SCFD2: variants seen among roughly 807,000 people sequenced by gnomAD.
SCFD2 encodes sec1 family domain-containing protein 2.
Under a neutral mutation model 58.9 loss-of-function variants are expected in SCFD2, and 54 were observed. The observed-to-expected ratio is 0.92, with a 90% CI of 0.74 to 1.15. The LOEUF (loss-of-function observed/expected upper bound fraction) is 1.15. SCFD2 is among the 50% of genes most tolerant of loss of function. The pLI is 0.00. For synonymous variants in SCFD2, 321 were observed against 335.9 expected, an observed-to-expected ratio of 0.96 and a Z score of 0.49; for missense variants, 805 against 836.6, an observed-to-expected ratio of 0.96 and a Z score of 0.47.
chr4:53,288,541 A>G (rs1338084424), intron 3 of SCFD2, among the ~76,000 whole-genome samples: 2 of 152,216 alleles, frequency 1.3e-5, no homozygotes, highest in Non-Finnish European at 2.9e-5. Flanking sequence ...GCGAATTTCT[A>G]AACAGAAACT....
chr4:53,271,756 C>A (rs1233052128), intron 4 of SCFD2, among the ~76,000 whole-genome samples: 1 of 152,170 alleles, frequency 6.6e-6, no homozygotes. Flanking sequence ...AGCCACTGCA[C>A]CCAGCCCATC....
At chr4:53,075,870 A>T (rs1219261450) in intron 5 of SCFD2, among the ~76,000 whole-genome samples, 1 of 152,198 alleles carries the variant, frequency 6.6e-6, no homozygotes, top group Non-Finnish European at 1.5e-5. Flanking sequence ...AAAATGTGAC[A>T]CAGACATGAA....
At chr4:53,123,350 C>T (rs1250946533) in intron 5 of SCFD2, among the ~76,000 whole-genome samples, 1 of 152,124 alleles carries the variant, frequency 6.6e-6, no homozygotes, top group Admixed American at 6.5e-5. Context: ...TTCTCACTCC[C>T]AGGCTAGGTT....
chr4:53,130,235 A>T (rs1725748389), intron 5 of SCFD2, among the ~76,000 whole-genome samples: 1 of 152,204 alleles, frequency 6.6e-6, no homozygotes, highest in African/African-American at 2.4e-5. Flanking sequence ...TGTTTTTAAG[A>T]CACTGTTTTT....
intron 3 of SCFD2, among the ~76,000 whole-genome samples, chr4:53,304,795 G>A (rs1475823156): frequency 1.3e-5 from 2 of 152,066 alleles, no homozygotes; most frequent in East Asian, 1.9e-4. Context: ...GGAGGAGTTT[G>A]TTATTACCCA....
chr4:53,127,144 A>G (rs1725652414), intron 5 of SCFD2, among the ~76,000 whole-genome samples: 3 of 152,196 alleles, frequency 2.0e-5, no homozygotes, highest in African/African-American at 7.2e-5. Context: ...AGCTGATGTG[A>G]TTTGTTTTCA....
chr4:52,975,972 A>G (rs972302385), intron 5 of SCFD2, among the ~76,000 whole-genome samples: 9 of 139,308 alleles, frequency 6.5e-5, no homozygotes, highest in Non-Finnish European at 1.2e-4. Flanking sequence ...GAATTGAACA[A>G]TGAGAACACA....
chr4:52,995,534 C>A (rs368530362), intron 5 of SCFD2, among the ~76,000 whole-genome samples: 1 of 152,204 alleles, frequency 6.6e-6, no homozygotes, highest in South Asian at 2.1e-4. Flanking sequence ...GAGTCACTTC[C>A]GTTTGACCAG....
At chr4:53,349,253 T>A (rs1032621620) in intron 2 of SCFD2, among the ~76,000 whole-genome samples, 11 of 151,992 alleles carry the variant, frequency 7.2e-5, no homozygotes, top group African/African-American at 2.7e-4. Flanking sequence ...AATAATGAGG[T>A]GTAAAAAATG....
intron 5 of SCFD2, among the ~76,000 whole-genome samples, chr4:53,053,328 T>G (rs1032707416): frequency 3.3e-5 from 5 of 152,060 alleles, no homozygotes; most frequent in African/African-American, 4.8e-5. Context: ...GCTGCTTCAG[T>G]GCTGGGAATA....
At chr4:53,223,971 C>A (rs570275567) in intron 4 of SCFD2, among the ~76,000 whole-genome samples, 77 of 152,230 alleles carry the variant, frequency 5.1e-4, no homozygotes, top group Non-Finnish European at 9.7e-4. Context: ...GTCATAAATT[C>A]TTTGCTTCTC....
intron 5 of SCFD2, among the ~76,000 whole-genome samples, chr4:53,064,168 G>T (rs1016939734): frequency 6.6e-6 from 1 of 151,894 alleles, no homozygotes; most frequent in Non-Finnish European, 1.5e-5. Context: ...GTGCAGGTTT[G>T]TTACATGGGT....
At chr4:53,299,585 A>T (rs1732192434) in intron 3 of SCFD2, among the ~76,000 whole-genome samples, 1 of 152,000 alleles carries the variant, frequency 6.6e-6, no homozygotes, top group South Asian at 2.1e-4. Context: ...CAAATTCAGG[A>T]AATACAGAGA....
intron 2 of SCFD2, among the ~76,000 whole-genome samples, chr4:53,330,204 C>T (rs921495684): frequency 5.3e-5 from 8 of 152,104 alleles, no homozygotes; most frequent in East Asian, 1.9e-4. Context: ...TCCCCAATCT[C>T]GCAAGGCAAG....
At chr4:52,957,037 G>T (rs1395138455) in intron 5 of SCFD2, 1 of 152,216 alleles carries the variant, frequency 6.6e-6, no homozygotes, top group African/African-American at 2.4e-5. Flanking sequence ...GGCTTGGGAG[G>T]CTGAAGGCAC....
intron 5 of SCFD2, among the ~76,000 whole-genome samples, chr4:52,972,870 A>G (rs1198865848): frequency 2.6e-5 from 4 of 152,212 alleles, no homozygotes; most frequent in Non-Finnish European, 5.9e-5. Flanking sequence ...AACTCACTCA[A>G]AACTGCTCAA....
At chr4:53,235,514 T>C (rs1729572088) in intron 4 of SCFD2, among the ~76,000 whole-genome samples, 1 of 152,192 alleles carries the variant, frequency 6.6e-6, no homozygotes, top group South Asian at 2.1e-4. Flanking sequence ...CTCACTTATC[T>C]TATATTCTAG....
intron 2 of SCFD2, among the ~76,000 whole-genome samples, chr4:53,319,564 GCT>G (rs1732964862): frequency 6.7e-6 from 1 of 149,188 alleles, no homozygotes; most frequent in East Asian, 2.0e-4. Context: ...AAGGAGTCTC[GCT>G]CTGTCACCCA....
chr4:52,946,508 G>A (rs546426803), intron 5 of SCFD2, among the ~76,000 whole-genome samples: 7 of 152,040 alleles, frequency 4.6e-5, no homozygotes, highest in Non-Finnish European at 1.0e-4. Flanking sequence ...TAAGCAAAGA[G>A]AAAGGAGTAT....
Sources: gnomAD v4.1 joint callset for allele counts (sites outside exome capture counted in the v4.1 genomes callset) on GRCh38, gnomAD v4.1.1 for gene constraint, MANE v1.5 for transcripts, NCBI Gene and HGNC (gene_info 2026-07-23, HGNC 2026-07-21) for gene names.